Variants in PIK3CD observed in about 807,000 individuals in gnomAD.
PIK3CD encodes phosphatidylinositol-4,5-bisphosphate 3-kinase catalytic subunit delta.
In PIK3CD, 20 loss-of-function variants were observed where a neutral mutation model predicts 122.9. That is an observed-to-expected ratio of 0.16 (90% confidence interval 0.11 to 0.24). The LOEUF is 0.24. Among genes scored for constraint, PIK3CD ranks in the 10% least tolerant of loss-of-function variants. PIK3CD has a pLI of 1.00. For missense variants in PIK3CD, 787 were observed against 1,406.3 expected, an observed-to-expected ratio of 0.56 and a Z score of 7.04; for synonymous variants, 596 against 593.4, an observed-to-expected ratio of 1.00 and a Z score of -0.06.
At chr1:9,653,974 G>C in intron 1 of PIK3CD, 1 of 1,343,146 alleles carries the variant, frequency 7.4e-7, no homozygotes, top group Non-Finnish European at 9.9e-7. Context: ...GGGAGGCCCA[G>C]ACGGGAGGAT....
chr1:9,711,490 C>G (rs1322509561), intron 3 of PIK3CD, among the ~76,000 whole-genome samples: 3 of 152,154 alleles, frequency 2.0e-5, no homozygotes, highest in African/African-American at 7.2e-5. Context: ...GTATGTTTCC[C>G]TCTACTCAGT....
At chr1:9,640,587 GA>G in the PIK3CD span, among the ~76,000 whole-genome samples, 24 of 141,682 alleles carry the variant, frequency 1.7e-4, no homozygotes, top group South Asian at 4.5e-4. Flanking sequence ...CTCAAAAAAA[GA>G]AAAAAAAAAA....
Position 9,719,386 on chromosome 1 carries a change from C to T in PIK3CD, c.1242+471C>T, listed in dbSNP as rs963531035. ...TTCTCAAGAAGCCAGGAGGGCCAGG[C>T]GTGGTGGCTCATGCCTGTAATCCCA... is the stretch of plus-strand genomic sequence containing the variant. On this transcript the variant is annotated intron_variant, in intron 9 of 23. Transcript: ENST00000377346. This position sits in a 1 kb window ranked among gnomAD's most constrained non-coding sequence, Gnocchi z 5.5. 1.3e-5 allele frequency among the ~76,000 whole-genome samples: 2 copies of T among 152,146 alleles called. No individual in the cohort carries two copies. Among genetic ancestry groups the T allele is most frequent in the East Asian group, 1.9e-4 (1 of 5,190 alleles).
chr1:9,710,638 G>A lies in PIK3CD; in HGVS notation c.141+42G>A. On this transcript the variant is annotated intron_variant, in intron 3 of 23. Transcript: ENST00000377346. This position sits in a 1 kb window ranked among gnomAD's most constrained non-coding sequence, Gnocchi z 4.7. ...GTCCTCAGACCTTGGTGCTCAGAGA[G>A]AGAGAGAGAGAGAGAGACACAGATA... is the stretch of plus-strand genomic sequence containing the variant. The A allele has an allele frequency of 1.3e-6, 2 of 1,574,344 alleles. No homozygotes were observed. Among genetic ancestry groups the A allele is most frequent in the Non-Finnish European group, 1.7e-6 (2 of 1,146,910 alleles).
intron 2 of PIK3CD, among the ~76,000 whole-genome samples, chr1:9,705,262 G>A (rs1465468085): frequency 6.7e-6 from 1 of 149,844 alleles, no homozygotes; most frequent in Non-Finnish European, 1.5e-5. Context: ...CTTGAGCCCA[G>A]GAGTTTGGGA....
intron 14 of PIK3CD, 95 bp from the exon 15 acceptor site, chr1:9,721,349 G>A: frequency 6.2e-7 from 1 of 1,608,406 alleles, no homozygotes; most frequent in Non-Finnish European, 8.5e-7. Flanking sequence ...CCGTGGGCTT[G>A]CTCCCTCCTG....
chr1:9,720,200 C>T lies in PIK3CD; in HGVS notation c.1428C>T (p.Pro476=), dbSNP rs553832145. The change falls in exon 11 of 24, where the codon CCC becomes CCT. Residue 476 remains proline (P), a synonymous_variant. Coordinates refer to ENST00000377346, the MANE Select transcript of PIK3CD (RefSeq NM_005026.5). This position sits in a 1 kb window ranked among gnomAD's most constrained non-coding sequence, Gnocchi z 9.0. Reference sequence around the variant, plus strand: ...CCGCTGCCCTGCTCATCTGCCTGCCCGAGGTGGCCCCGCACCCCGTGTACT... The same window carrying T: ...CCGCTGCCCTGCTCATCTGCCTGCCTGAGGTGGCCCCGCACCCCGTGTACT... The part of the protein sequence containing the change: ...DSAAALLICL[P]EVAPHPVYYP... The T allele has an allele frequency of 3.6e-5, 58 of 1,611,622 alleles. No homozygotes were observed. The highest frequency in any genetic ancestry group is 3.3e-4 in the Middle Eastern group (2 of 6,062).
At chr1:9,716,899 T>C in intron 6 of PIK3CD, 60 bp from the exon 7 acceptor site, 1 of 1,610,668 alleles carries the variant, frequency 6.2e-7, no homozygotes, top group Non-Finnish European at 8.5e-7. Context: ...CTGGGAATCC[T>C]GGTGTCCAGG....
At chr1:9,642,716 CAAA>C in the PIK3CD span, among the ~76,000 whole-genome samples, 5 of 70,136 alleles carry the variant, frequency 7.1e-5, no homozygotes, top group Non-Finnish European at 9.0e-5. Flanking sequence ...GACTCTGTCT[CAAA>C]AAAAAAAAAA....
At chr1:9,692,314 G>T (rs1490926715) in intron 2 of PIK3CD, among the ~76,000 whole-genome samples, 1 of 152,182 alleles carries the variant, frequency 6.6e-6, no homozygotes, top group African/African-American at 2.4e-5. Context: ...ATGGAAAGGG[G>T]CAGGGGTTAG....
Position 9,715,427 on chromosome 1 carries a change from C to T in PIK3CD, c.142-114C>T. The T allele has an allele frequency of 1.2e-6, 1 of 839,976 alleles. No individual in the cohort carries two copies. The highest frequency in any genetic ancestry group is 2.6e-5 in the East Asian group (1 of 37,822). 52.0% of individuals were successfully genotyped at this position (839,976 alleles called of 1,614,324 possible). A position where few individuals can be genotyped will look rare whatever the true frequency, so the allele number is the denominator to read the frequency against. On this transcript the variant is annotated intron_variant, in intron 3 of 23. Coordinates refer to ENST00000377346, the MANE Select transcript of PIK3CD (RefSeq NM_005026.5). This position sits in a 1 kb window ranked among gnomAD's most constrained non-coding sequence, Gnocchi z 4.1. The stretch of plus-strand genomic sequence containing the variant: ...GTGCAGATCTTGGGGTCTGCCTCTG[C>T]CCTCTGGGAGGTTTGGACCCCCAGG...
At chr1:9,633,152 T>C in the PIK3CD span, among the ~76,000 whole-genome samples, 1 of 151,620 alleles carries the variant, frequency 6.6e-6, no homozygotes, top group African/African-American at 2.4e-5. Context: ...TGAGCCACCG[T>C]GCCTGATCAG....
chr1:9,676,591 G>T, intron 1 of PIK3CD, among the ~76,000 whole-genome samples: 1 of 152,228 alleles, frequency 6.6e-6, no homozygotes, highest in East Asian at 1.9e-4. Context: ...GTTGACCTAG[G>T]TGTCCTTGAG....
chr1:9,712,149 G>A (rs1229461544), intron 3 of PIK3CD, among the ~76,000 whole-genome samples: 1 of 152,176 alleles, frequency 6.6e-6, no homozygotes, highest in African/African-American at 2.4e-5. Context: ...GATTAAATAT[G>A]TAGACAATAT....
chr1:9,698,710 G>T (rs1050342209), intron 2 of PIK3CD, among the ~76,000 whole-genome samples: 3 of 152,098 alleles, frequency 2.0e-5, no homozygotes, highest in Admixed American at 2.0e-4. Context: ...AAAGTTACCA[G>T]GTCTGAGACC....
upstream of PIK3CD, among the ~76,000 whole-genome samples, chr1:9,647,166 C>T (rs999983766): frequency 6.6e-6 from 1 of 150,406 alleles, no homozygotes; most frequent in African/African-American, 2.4e-5. Flanking sequence ...GTAATCCCAA[C>T]ACTTTGGGAG....
In PIK3CD at chr1:9,669,677, C is replaced by A. The variant is rs114362960; in HGVS notation, c.-138+17875C>A. On this transcript the variant is annotated intron_variant, in intron 1 of 23. Transcript: ENST00000377346. The stretch of plus-strand genomic sequence containing the variant: ...TTCGTTTTGAGGGGGCTTCAGGGAG[C>A]CTTAAGGGAGGAGAGGAAAGTCACG... 2.4e-4 allele frequency among the ~76,000 whole-genome samples: 37 copies of A among 152,046 alleles called. No homozygotes were observed. In the East Asian group the frequency reaches 7.0e-3, roughly 29 times the overall value.
chr1:9,658,298 A>G (rs1644915195), intron 1 of PIK3CD, among the ~76,000 whole-genome samples: 2 of 149,832 alleles, frequency 1.3e-5, no homozygotes. Flanking sequence ...AGGTGGGAGG[A>G]TTACTTGAGT....
At chr1:9,672,520 C>G (rs1645362843) in intron 1 of PIK3CD, 2 of 152,248 alleles carry the variant, frequency 1.3e-5, no homozygotes, top group South Asian at 4.1e-4. Flanking sequence ...CCTTGAACTC[C>G]TGAGCTCAAG....
Sources: gnomAD v4.1 joint callset for allele counts (sites outside exome capture counted in the v4.1 genomes callset) on GRCh38, gnomAD v4.1.1 for gene constraint, Gnocchi (gnomAD v3.1) non-coding constraint, MANE v1.5 for transcripts, NCBI Gene and HGNC (gene_info 2026-07-23, HGNC 2026-07-21) for gene names.